Variants in CDH13 observed in about 807,000 individuals in gnomAD.
CDH13 encodes cadherin-13.
A neutral mutation model predicts 63.8 loss-of-function variants in CDH13; 24 were observed. The ratio of observed to expected loss-of-function variants is 0.38; its 90% confidence interval spans 0.27 to 0.53. The LOEUF (loss-of-function observed/expected upper bound fraction) is 0.53. Ranked by LOEUF, CDH13 falls within the 20% of genes least tolerant of loss-of-function variation. CDH13 has a pLI of 0.85. For missense variants in CDH13, 1,049 were observed against 903.1 expected (o/e 1.16, Z -2.07); for synonymous variants, 503 against 355.3 (o/e 1.42, Z -4.67).
chr16:83,321,560 ACT>A (rs1259411905), intron 5 of CDH13, among the ~76,000 whole-genome samples: 1 of 112,516 alleles, frequency 8.9e-6, no homozygotes, highest in African/African-American at 3.6e-5. Flanking sequence ...ACGGAGTCTC[ACT>A]CTGTCGCCTA....
chr16:83,594,063 A>C (rs1378630659), intron 7 of CDH13, among the ~76,000 whole-genome samples: 1 of 152,222 alleles, frequency 6.6e-6, no homozygotes, highest in Non-Finnish European at 1.5e-5. Context: ...CAATGTGTTC[A>C]GAATCTGCTG....
At chr16:82,735,698 T>G (rs1447929598) in intron 1 of CDH13, among the ~76,000 whole-genome samples, 1 of 152,234 alleles carries the variant, frequency 6.6e-6, no homozygotes, top group African/African-American at 2.4e-5. Context: ...ATTATCCCAC[T>G]GTGATCTGAG....
chr16:83,797,308 A>G lies in CDH13; in HGVS notation c.*2278A>G, dbSNP rs945057930. The G allele has an allele frequency of 6.6e-6, 1 of 152,256 alleles. No individual in the cohort carries two copies. Among genetic ancestry groups the G allele is most frequent in the African/African-American group, 2.4e-5 (1 of 41,470 alleles). 9.4% of individuals were successfully genotyped at this position (152,256 alleles called of 1,614,324 possible). On this transcript the variant is annotated 3_prime_UTR_variant, in exon 14 of 14. Coordinates refer to ENST00000567109, the MANE Select transcript of CDH13 (RefSeq NM_001257.5). Reference sequence around the variant, plus strand: ...ATTCACTCAAGGAAACAAATACAGCATGACTCCTTTTCTCTCAAGCTGGTA... The same window carrying G: ...ATTCACTCAAGGAAACAAATACAGCGTGACTCCTTTTCTCTCAAGCTGGTA...
At chr16:83,250,379 GGTTCACATTCTA>G (rs1263987338) in intron 5 of CDH13, among the ~76,000 whole-genome samples, 1 of 152,122 alleles carries the variant, frequency 6.6e-6, no homozygotes, top group African/African-American at 2.4e-5. Flanking sequence ...TAGCTTTCAC[GGTTCACATTCTA>G]GTTAGGGAAG....
At chr16:83,229,730 T>C (rs1276694799) in intron 5 of CDH13, among the ~76,000 whole-genome samples, 1 of 152,148 alleles carries the variant, frequency 6.6e-6, no homozygotes, top group Non-Finnish European at 1.5e-5. Context: ...TTAAGTAAAA[T>C]CCACCTTTTC....
chr16:82,712,196 G>A (rs1394592505), intron 1 of CDH13, among the ~76,000 whole-genome samples: 1 of 152,084 alleles, frequency 6.6e-6, no homozygotes, highest in Non-Finnish European at 1.5e-5. Context: ...TGACCTTGAT[G>A]AAGATAGTAA....
rs187609928 is a variant in CDH13, at chr16:83,259,983, C to T, written c.636+42486C>T. Among the ~76,000 whole-genome samples, 18 of 152,070 alleles carry T rather than the reference C, an allele frequency of 1.2e-4. 1 individual carries two copies. The East Asian group carries it at 2.1e-3, about 18-fold the overall frequency. ...TGAAAGAGGACAAAAATGCTTCTTA[C>T]GTGGCTCTCTCGGAAGAATTTCTGG... On this transcript the variant is annotated intron_variant, in intron 5 of 13. Coordinates refer to ENST00000567109, the MANE Select transcript of CDH13 (RefSeq NM_001257.5).
At chr16:83,654,023 C>G (rs528537918) in intron 8 of CDH13, among the ~76,000 whole-genome samples, 5 of 152,058 alleles carry the variant, frequency 3.3e-5, no homozygotes, top group African/African-American at 1.2e-4. Context: ...AGGGAATGAA[C>G]AAATGGGTGG....
rs10545707 is a variant in CDH13, at chr16:83,426,509, TCACACACACACACA to T, written c.782-59946_782-59933del. On this transcript the variant is annotated intron_variant, in intron 6 of 13. Transcript: ENST00000567109. ...ATGGAAACAACTCCCATGGAAACAATCACACACACACACACACACACACACACACACACACTCAT... is the reference window on the plus strand; with the variant it reads ...ATGGAAACAACTCCCATGGAAACAATCACACACACACACACACACACTCAT... Among the ~76,000 whole-genome samples the T allele has an allele frequency of 3.4e-5, 5 of 146,604 alleles. No homozygotes were observed. In the East Asian group the frequency reaches 6.1e-4, roughly 18 times the overall value.
chr16:82,783,208 T>A (rs1428933310), intron 1 of CDH13, among the ~76,000 whole-genome samples: 3 of 152,180 alleles, frequency 2.0e-5, no homozygotes, highest in South Asian at 4.1e-4. Context: ...CCTGCTCAGC[T>A]CCTCCCCTTC....
At position 82,641,589 on chromosome 16, in the gene CDH13, C is replaced by T. The variant is rs76676554; in HGVS notation, c.45+14452C>T. The stretch of plus-strand genomic sequence containing the variant: ...TCGTCTTTGACATGTGATATATTCT[C>T]ATTACTTTTCAACAATGAATGAATA... On this transcript the variant is annotated intron_variant, in intron 1 of 13. Coordinates refer to ENST00000567109, the MANE Select transcript of CDH13 (RefSeq NM_001257.5). Among the ~76,000 whole-genome samples, 17 of 152,314 alleles carry T rather than the reference C, an allele frequency of 1.1e-4. 1 individual carries two copies. In the East Asian group the frequency reaches 3.3e-3, roughly 29 times the overall value.
chr16:83,009,967 C>T (rs539455317), intron 2 of CDH13, among the ~76,000 whole-genome samples: 5 of 151,928 alleles, frequency 3.3e-5, no homozygotes, highest in Admixed American at 2.6e-4. Context: ...AACCCTGTCT[C>T]TACTAAAAAT....
intron 1 of CDH13, among the ~76,000 whole-genome samples, chr16:82,856,175 G>A (rs2039677045): frequency 6.6e-6 from 1 of 151,904 alleles, no homozygotes; most frequent in African/African-American, 2.4e-5. Flanking sequence ...AGCAGATCGA[G>A]ACCATCCTGG....
chr16:82,985,050 C>T (rs952646278), intron 2 of CDH13, among the ~76,000 whole-genome samples: 1 of 152,184 alleles, frequency 6.6e-6, no homozygotes, highest in Middle Eastern at 3.2e-3. Flanking sequence ...GGATCATTAA[C>T]TTACTGAGAC....
intron 7 of CDH13, among the ~76,000 whole-genome samples, chr16:83,490,289 G>GA (rs1324625043): frequency 6.6e-6 from 1 of 152,208 alleles, no homozygotes; most frequent in African/African-American, 2.4e-5. Flanking sequence ...GATGAGTGGG[G>GA]AGGTGGCAGG....
At chr16:83,373,377 GAAGGCTCCCAGGCAGA>G in intron 6 of CDH13, among the ~76,000 whole-genome samples, 1 of 152,276 alleles carries the variant, frequency 6.6e-6, no homozygotes. Context: ...AAAAGATCTA[GAAGGCTCCCAGGCAGA>G]AAGTGATTGG....
chr16:83,272,835 A>C lies in CDH13; in HGVS notation c.636+55338A>C, dbSNP rs945034498. Among the ~76,000 whole-genome samples the C allele has an allele frequency of 5.1e-4, 78 of 152,272 alleles. 1 individual carries two copies. Among genetic ancestry groups the C allele is most frequent in the African/African-American group, 1.8e-3 (75 of 41,562 alleles). ...AGTGGTCCTAGGAGTTTCAAGAACAACTATTCTGTGCAGATCAGTCAGCCC... is the reference window on the plus strand; with the variant it reads ...AGTGGTCCTAGGAGTTTCAAGAACACCTATTCTGTGCAGATCAGTCAGCCC... On this transcript the variant is annotated intron_variant, in intron 5 of 13. Coordinates refer to ENST00000567109, the MANE Select transcript of CDH13 (RefSeq NM_001257.5).
intron 1 of CDH13, among the ~76,000 whole-genome samples, chr16:82,681,159 G>C (rs149674991): frequency 1.3e-5 from 2 of 152,210 alleles, no homozygotes; most frequent in African/African-American, 2.4e-5. Context: ...ATGCATCCAC[G>C]TGATAAAATA....
chr16:82,782,698 A>G (rs1307744502), intron 1 of CDH13, among the ~76,000 whole-genome samples: 1 of 152,212 alleles, frequency 6.6e-6, no homozygotes, highest in Non-Finnish European at 1.5e-5. Context: ...ATCTTTGACC[A>G]AAAACAAAAT....
Sources: allele counts gnomAD v4.1 joint callset (sites outside exome capture counted in the v4.1 genomes callset), GRCh38; gene constraint gnomAD v4.1.1; transcripts MANE v1.5; gene names NCBI Gene and HGNC (gene_info 2026-07-23, HGNC 2026-07-21).